The following SUPT3H variants were observed in gnomAD, a reference collection of about 807,000 sequenced individuals.
SUPT3H encodes transcription initiation protein SPT3 homolog.
Under a neutral mutation model 44.3 loss-of-function variants are expected in SUPT3H, and 44 were observed. That is an observed-to-expected ratio of 0.99 (90% CI 0.78 to 1.28). The LOEUF is 1.28. Ranked by LOEUF, SUPT3H falls within the 50% of genes most tolerant of loss-of-function variation. The pLI is 0.00. For missense variants in SUPT3H, 380 were observed against 387.1 expected (o/e 0.98, Z 0.15); for synonymous variants, 124 against 125.6 (o/e 0.99, Z 0.09).
intron 2 of SUPT3H, among the ~76,000 whole-genome samples, chr6:45,307,673 G>A (rs765506723): frequency 2.0e-5 from 3 of 152,178 alleles, no homozygotes; most frequent in Admixed American, 1.3e-4. Flanking sequence ...TGGGGAAAAA[G>A]CAGAACAGAA....
At chr6:44,967,175 GTTTTCCAAATACTCAACAGTAT>G (rs1345227964) in intron 6 of SUPT3H, among the ~76,000 whole-genome samples, 2 of 152,194 alleles carry the variant, frequency 1.3e-5, no homozygotes, top group Non-Finnish European at 2.9e-5. Context: ...TATTCCTAAA[GTTTTCCAAATACTCAACAGTAT>G]TTTAAAATTT....
intron 6 of SUPT3H, among the ~76,000 whole-genome samples, chr6:44,982,252 C>G (rs567103253): frequency 6.6e-6 from 1 of 152,128 alleles, no homozygotes; most frequent in South Asian, 2.1e-4. Flanking sequence ...GAGATGGAGT[C>G]TCGCTCTGTC....
chr6:45,372,084 AC>A, intron 1 of SUPT3H: 1 of 926,136 alleles, frequency 1.1e-6, no homozygotes, highest in Non-Finnish European at 1.3e-6. Flanking sequence ...GTCACAGTGA[AC>A]TGTGTTGTGA....
chr6:44,896,524 T>G (rs940837780), intron 10 of SUPT3H, among the ~76,000 whole-genome samples: 1 of 152,132 alleles, frequency 6.6e-6, no homozygotes, highest in Admixed American at 6.5e-5. Context: ...TGAAACAAAA[T>G]CAATAATCTG....
At chr6:45,133,498 G>T (rs903793347) in intron 2 of SUPT3H, among the ~76,000 whole-genome samples, 2 of 152,126 alleles carry the variant, frequency 1.3e-5, no homozygotes, top group African/African-American at 4.8e-5. Flanking sequence ...AGTCCTGCTT[G>T]ATGGGAGGAC....
intron 6 of SUPT3H, among the ~76,000 whole-genome samples, chr6:44,982,009 C>T (rs977134484): frequency 2.0e-5 from 3 of 152,034 alleles, no homozygotes; most frequent in Admixed American, 2.0e-4. Flanking sequence ...CTATTGTGCT[C>T]CAGCCTGGTC....
intron 2 of SUPT3H, among the ~76,000 whole-genome samples, chr6:45,119,738 T>TA (rs1554254939): frequency 1.3e-5 from 2 of 152,110 alleles, no homozygotes; most frequent in Non-Finnish European, 2.9e-5. Flanking sequence ...CTAGAAAACT[T>TA]AAGATTTTCA....
chr6:45,006,513 T>C (rs1782739311), intron 5 of SUPT3H, among the ~76,000 whole-genome samples: 1 of 152,112 alleles, frequency 6.6e-6, no homozygotes, highest in African/African-American at 2.4e-5. Flanking sequence ...TACCTCGCTC[T>C]TTTCTGGTTG....
chr6:45,235,087 T>C (rs141993541), intron 2 of SUPT3H, among the ~76,000 whole-genome samples: 2,664 of 152,138 alleles, frequency 0.018, 50 homozygotes, highest in South Asian at 0.084. Flanking sequence ...AAATTAACAC[T>C]GGAAAGAAAG....
At chr6:44,881,829 G>A (rs1159161172) in intron 10 of SUPT3H, among the ~76,000 whole-genome samples, 4 of 152,124 alleles carry the variant, frequency 2.6e-5, no homozygotes, top group Non-Finnish European at 4.4e-5. Context: ...TAAGTTCTTC[G>A]AAGCCAATGA....
intron 6 of SUPT3H, among the ~76,000 whole-genome samples, chr6:44,997,482 G>A (rs1781420999): frequency 6.6e-6 from 1 of 151,516 alleles, no homozygotes; most frequent in Admixed American, 6.6e-5. Flanking sequence ...TTATTATTGA[G>A]TATTACTGAA....
chr6:45,285,370 A>G (rs1195988382), intron 2 of SUPT3H, among the ~76,000 whole-genome samples: 9 of 152,218 alleles, frequency 5.9e-5, no homozygotes, highest in Non-Finnish European at 1.2e-4. Context: ...AAATCTCCTT[A>G]AGCTGATTGT....
At chr6:45,292,379 T>G (rs1207136185) in intron 2 of SUPT3H, among the ~76,000 whole-genome samples, 1 of 151,830 alleles carries the variant, frequency 6.6e-6, no homozygotes. Flanking sequence ...AAAAATACAA[T>G]TTTAAAAAAC....
In SUPT3H at chr6:45,092,750, C is replaced by CAAA. The variant is rs71674371; in HGVS notation, c.186+13169_186+13171dup. Among the ~76,000 whole-genome samples, 1,246 of 126,058 alleles carry CAAA rather than the reference C, an allele frequency of 9.9e-3. 26 individuals carry two copies. Among genetic ancestry groups the CAAA allele is most frequent in the South Asian group, 0.041 (158 of 3,822 alleles). 82.7% of individuals were successfully genotyped at this position (126,058 alleles called of 152,430 possible). On this transcript the variant is annotated intron_variant, in intron 3 of 10. Transcript: ENST00000371459. ...GGGGAACAACGGTGAGACTTCGTCT[C>CAAA]AAAAAAAAAAAAAAAAAAAAATTAA...
chr6:45,193,506 G>A (rs556082457), intron 2 of SUPT3H, among the ~76,000 whole-genome samples: 1 of 152,252 alleles, frequency 6.6e-6, no homozygotes, highest in East Asian at 1.9e-4. Flanking sequence ...AGCAGAGTCA[G>A]TGTTCAATAA....
chr6:45,146,912 A>G (rs1434447222), intron 2 of SUPT3H, among the ~76,000 whole-genome samples: 1 of 152,174 alleles, frequency 6.6e-6, no homozygotes, highest in Non-Finnish European at 1.5e-5. Flanking sequence ...AGCAAGTTAT[A>G]GGAAAAAAGT....
rs572325012 is a variant in SUPT3H, at chr6:45,009,193, A to T, written c.365-5401T>A. ...TACAAAAGTACCCTATCAGATATAT[A>T]AGAAAAATTTTCTTCCATTCTGTGG... On this transcript the variant is annotated intron_variant, in intron 5 of 10. Coordinates refer to ENST00000371459, the MANE Select transcript of SUPT3H (RefSeq NM_003599.4). Among the ~76,000 whole-genome samples the T allele has an allele frequency of 8.5e-5, 13 of 152,290 alleles. 1 individual carries two copies. In the South Asian group the frequency reaches 2.7e-3, roughly 32 times the overall value.
chr6:44,978,135 C>G (rs930189326), intron 6 of SUPT3H, among the ~76,000 whole-genome samples: 1 of 151,904 alleles, frequency 6.6e-6, no homozygotes, highest in African/African-American at 2.4e-5. Flanking sequence ...ATTCTAGTCA[C>G]TATGAAGGGA....
chr6:44,984,807 A>G (rs1779558492), intron 6 of SUPT3H, among the ~76,000 whole-genome samples: 1 of 152,204 alleles, frequency 6.6e-6, no homozygotes, highest in Non-Finnish European at 1.5e-5. Flanking sequence ...TGCCAGAAAC[A>G]TAAACATAAA....
Sources: gnomAD v4.1 joint callset for allele counts (sites outside exome capture counted in the v4.1 genomes callset) on GRCh38, gnomAD v4.1.1 for gene constraint, MANE v1.5 for transcripts, NCBI Gene and HGNC (gene_info 2026-07-23, HGNC 2026-07-21) for gene names.